Variants in CD55 observed in about 807,000 individuals in gnomAD.
The protein encoded by CD55 is CD55 molecule (Cromer blood group).
A neutral mutation model predicts 45.8 loss-of-function variants in CD55; 41 were observed. The observed-to-expected ratio is 0.90, with a 90% CI of 0.70 to 1.16. The LOEUF (loss-of-function observed/expected upper bound fraction) is 1.16, where lower values mean the gene tolerates loss of function less well. Ranked by LOEUF, CD55 falls within the 50% of genes most tolerant of loss-of-function variation. The pLI is 0.00. For synonymous variants in CD55, 181 were observed against 181.1 expected, an observed-to-expected ratio of 1.00 and a Z score of 0.01; for missense variants, 416 against 469.8, an observed-to-expected ratio of 0.89 and a Z score of 1.06.
At chr1:207,354,170 T>C (rs997541942) in intron 9 of CD55, 7 of 1,380,842 alleles carry the variant, frequency 5.1e-6, no homozygotes, top group Non-Finnish European at 6.6e-6. Context: ...ATGTAGTATC[T>C]GTCTAATGTA....
chr1:207,356,481 G>A (rs1558160137), intron 9 of CD55, among the ~76,000 whole-genome samples: 1 of 152,140 alleles, frequency 6.6e-6, no homozygotes, highest in South Asian at 2.1e-4. Context: ...TGTAATTTAT[G>A]ATAGTATCTA....
At chr1:207,358,078 TG>T (rs1290947790) in intron 9 of CD55, among the ~76,000 whole-genome samples, 3 of 152,188 alleles carry the variant, frequency 2.0e-5, no homozygotes, top group African/African-American at 2.4e-5. Context: ...AATTGTATTT[TG>T]GGGTTTTGCA....
At chr1:207,328,532 T>C (rs1341418370) in intron 5 of CD55, among the ~76,000 whole-genome samples, 1 of 152,238 alleles carries the variant, frequency 6.6e-6, no homozygotes, top group Non-Finnish European at 1.5e-5. Flanking sequence ...ACTAATTGTC[T>C]ATAGTTATAC....
chr1:207,343,982 C>T (rs754935603), intron 9 of CD55, among the ~76,000 whole-genome samples: 7 of 152,282 alleles, frequency 4.6e-5, no homozygotes, highest in Admixed American at 2.0e-4. Flanking sequence ...TACAGCTACT[C>T]CTGTTTGTTT....
At chr1:207,327,003 C>T (rs775181884) in intron 5 of CD55, among the ~76,000 whole-genome samples, 166 bp downstream of exon 5, 2 of 152,212 alleles carry the variant, frequency 1.3e-5, no homozygotes, top group Non-Finnish European at 2.9e-5. Context: ...GATGTTCCTT[C>T]ATTTAGCAGC....
intron 9 of CD55, among the ~76,000 whole-genome samples, chr1:207,350,328 T>G (rs962763450): frequency 2.6e-5 from 4 of 152,118 alleles, no homozygotes; most frequent in African/African-American, 9.7e-5. Context: ...TTTCTTTTTT[T>G]GTCCTGTCTC....
chr1:207,353,501 T>TC (rs758012662), intron 9 of CD55, among the ~76,000 whole-genome samples: 165 of 152,274 alleles, frequency 1.1e-3, no homozygotes, highest in Non-Finnish European at 2.1e-3. Context: ...GAGTCTTGAC[T>TC]CTTAAGTAGC....
Position 207,321,782 on chromosome 1 carries a change from C to T in CD55, c.17C>T (p.Pro6Leu). 1 of 1,520,534 alleles carries T rather than the reference C, an allele frequency of 6.6e-7. No homozygotes were observed. The allele number at this position is 1,520,534 out of a possible 1,614,324, so 94.2% of individuals were successfully genotyped here. MTVAR[P>L]SVPAALPLLG... ...CGGCGCGCCATGACCGTCGCGCGGC[C>T]GAGCGTGCCCGCGGCGCTGCCCCTC... Residue 6 changes from proline to leucine, a missense_variant, in exon 1 of 10, where the codon CCG becomes CTG. Physicochemically the swap from Pro to Leu is moderately conservative, Grantham distance 98. Around this residue, in one of 3 missense-constraint regions of CD55, gnomAD observed 123 missense variants for 105.1 expected, o/e 1.17. Coordinates refer to ENST00000367064, the MANE Select transcript of CD55 (RefSeq NM_000574.5).
At chr1:207,327,516 A>T (rs1026905141) in intron 5 of CD55, among the ~76,000 whole-genome samples, 8 of 152,230 alleles carry the variant, frequency 5.3e-5, no homozygotes, top group African/African-American at 1.9e-4. Context: ...AATTAGAGAC[A>T]CATGTCTCTT....
chr1:207,336,815 C>T lies in CD55; in HGVS notation c.976C>T (p.Gln326Ter). The T allele has an allele frequency of 6.2e-7, 1 of 1,613,800 alleles. No homozygotes were observed. Among genetic ancestry groups the T allele is most frequent in the Non-Finnish European group, 8.5e-7 (1 of 1,179,810 alleles). ...TTTKTTTPNA[Q>*]ATRSTPVSRT... ...CACAAAAACCACCACACCAAATGCTCAAGGTACAGAGACTCCATCAGTTCT... is the reference window on the plus strand; with the variant it reads ...CACAAAAACCACCACACCAAATGCTTAAGGTACAGAGACTCCATCAGTTCT... The change falls in exon 7 of 10, where the codon CAA becomes TAA. Residue 326 changes from glutamine to a stop codon, truncating the protein, a stop_gained. Coordinates refer to ENST00000367064, the MANE Select transcript of CD55 (RefSeq NM_000574.5). LOFTEE classifies it high-confidence loss of function.
In CD55 at chr1:207,360,556, GAA is replaced by G. The variant is rs1656259702; in HGVS notation, c.*948_*949del. 1 of 152,104 alleles carries G rather than the reference GAA, an allele frequency of 6.6e-6. No homozygotes were observed. The highest frequency in any genetic ancestry group is 6.6e-5 in the Admixed American group (1 of 15,266). The allele number at this position is 152,104 out of a possible 1,614,324, so 9.4% of individuals were successfully genotyped here. A position where few individuals can be genotyped will look rare whatever the true frequency, so the allele number is the denominator to read the frequency against. Reference sequence around the variant, plus strand: ...ACGTGACTACTTTATTTCTAAATAAGAAATTCCCTACCTGCTTCCTACAAGCA... The same window carrying G: ...ACGTGACTACTTTATTTCTAAATAAGATTCCCTACCTGCTTCCTACAAGCA... On this transcript the variant is annotated 3_prime_UTR_variant, in exon 10 of 10. Transcript: ENST00000367064.
intron 5 of CD55, 36 bp downstream of exon 5, chr1:207,326,873 G>A: frequency 7.4e-7 from 1 of 1,359,168 alleles, no homozygotes; most frequent in Non-Finnish European, 1.1e-6. Context: ...CAGATTGTGA[G>A]GCTGAGTACT....
At chr1:207,342,106 C>T (rs756494245) in intron 9 of CD55, among the ~76,000 whole-genome samples, 7 of 151,906 alleles carry the variant, frequency 4.6e-5, no homozygotes, top group Non-Finnish European at 1.0e-4. Flanking sequence ...TGCAACTGTA[C>T]TGAATTTATC....
chr1:207,345,524 C>A (rs1655597359), intron 9 of CD55, among the ~76,000 whole-genome samples: 1 of 151,736 alleles, frequency 6.6e-6, no homozygotes, highest in Admixed American at 6.6e-5. Context: ...ATCTCACCTC[C>A]CTGAGCTTTT....
intron 4 of CD55, among the ~76,000 whole-genome samples, chr1:207,326,002 A>T (rs1654663972): frequency 1.0e-5 from 1 of 97,268 alleles, no homozygotes; most frequent in Admixed American, 1.0e-4. Flanking sequence ...AAAATTTGAG[A>T]TGATGATACT....
At chr1:207,333,289 C>G (rs1304518532) in intron 6 of CD55, among the ~76,000 whole-genome samples, 1 of 152,174 alleles carries the variant, frequency 6.6e-6, no homozygotes, top group Non-Finnish European at 1.5e-5. Context: ...AAGGACAGAC[C>G]TGGATCTCCT....
chr1:207,321,761 G>A lies in CD55; in HGVS notation c.-5G>A, dbSNP rs1409753086. On this transcript the variant is annotated 5_prime_UTR_variant, in exon 1 of 10. Transcript: ENST00000367064. Reference sequence around the variant, plus strand: ...CGGCGCGTCCTTGTTCTAACCCGGCGCGCCATGACCGTCGCGCGGCCGAGC... The same window carrying A: ...CGGCGCGTCCTTGTTCTAACCCGGCACGCCATGACCGTCGCGCGGCCGAGC... The A allele has an allele frequency of 6.6e-7, 1 of 1,509,518 alleles. No homozygotes were observed. Among genetic ancestry groups the A allele is most frequent in the Non-Finnish European group, 8.8e-7 (1 of 1,135,998 alleles). The allele number at this position is 1,509,518 out of a possible 1,614,324, so 93.5% of individuals were successfully genotyped here.
At chr1:207,337,075 C>G in intron 7 of CD55, 1 of 606,848 alleles carries the variant, frequency 1.6e-6, no homozygotes, top group Non-Finnish European at 2.9e-6. Flanking sequence ...ATGATTCAGC[C>G]ACCAAATCCC....
chr1:207,336,634 G>C lies in CD55; in HGVS notation c.854-59G>C, dbSNP rs143544291. 8.4e-4 allele frequency: 1,333 copies of C among 1,594,500 alleles called. 12 individuals carry two copies. The African/African-American group carries it at 0.015, about 17-fold the overall frequency. On this transcript the variant is annotated intron_variant, in intron 6 of 9. Transcript: ENST00000367064. ...TAGCCACAGAGCAAGCAATGGCTAA[G>C]AATGTTAATGTGGCCAGCAATATTT...
Sources: gnomAD v4.1 joint callset for allele counts (sites outside exome capture counted in the v4.1 genomes callset) on GRCh38, gnomAD v4.1.1 for gene constraint, gnomAD v4.1.1 regional missense constraint, MANE v1.5 for transcripts, NCBI Gene and HGNC (gene_info 2026-07-23, HGNC 2026-07-21) for gene names.